The following KDM4C variants were observed in gnomAD, a reference collection of about 807,000 sequenced individuals.
The protein encoded by KDM4C is lysine demethylase 4C, also known as lysine-specific demethylase 4C.
Under a neutral mutation model 129.3 loss-of-function variants are expected in KDM4C, and 81 were observed. The observed-to-expected ratio is 0.63, with a 90% CI of 0.52 to 0.75. KDM4C has a LOEUF of 0.75. Among genes scored for constraint, KDM4C ranks in the 30% least tolerant of loss-of-function variants. KDM4C has a pLI of 0.00. For missense variants in KDM4C, 1,457 were observed against 1,304.0 expected (o/e 1.12, Z -1.81); for synonymous variants, 573 against 456.1 (o/e 1.26, Z -3.26).
chr9:6,911,974 G>A (rs1015001974), intron 8 of KDM4C, among the ~76,000 whole-genome samples: 2 of 152,180 alleles, frequency 1.3e-5, no homozygotes, highest in African/African-American at 2.4e-5. Context: ...GGGGCAGTTT[G>A]TGAGGTTTGT....
chr9:6,774,735 A>G (rs1376096756), intron 1 of KDM4C, among the ~76,000 whole-genome samples: 1 of 152,156 alleles, frequency 6.6e-6, no homozygotes, highest in Non-Finnish European at 1.5e-5. Context: ...TGATTGTTTC[A>G]TCTTAAAAAA....
chr9:6,761,856 G>A (rs908816649), intron 1 of KDM4C, among the ~76,000 whole-genome samples: 3 of 152,018 alleles, frequency 2.0e-5, no homozygotes, highest in African/African-American at 7.2e-5. Flanking sequence ...CTGTCGCCCA[G>A]GCTGGAGTGC....
At chr9:6,987,995 A>C (rs988340790) in intron 11 of KDM4C, among the ~76,000 whole-genome samples, 3 of 145,236 alleles carry the variant, frequency 2.1e-5, no homozygotes, top group African/African-American at 7.7e-5. Context: ...CTGTGTCTAC[A>C]AAAAAAAAAT....
At chr9:7,071,761 A>T (rs1458268405) in intron 17 of KDM4C, among the ~76,000 whole-genome samples, 5 of 152,158 alleles carry the variant, frequency 3.3e-5, no homozygotes, top group Non-Finnish European at 7.4e-5. Flanking sequence ...CATTAAAACA[A>T]TTGAAAAATT....
chr9:7,116,412 T>C (rs1210026662), intron 18 of KDM4C, among the ~76,000 whole-genome samples: 1 of 69,894 alleles, frequency 1.4e-5, no homozygotes, highest in South Asian at 4.8e-4. Context: ...GTAACTTTAA[T>C]TGAGGTTATA....
At chr9:6,927,664 G>A (rs1331378378) in intron 8 of KDM4C, among the ~76,000 whole-genome samples, 2 of 152,100 alleles carry the variant, frequency 1.3e-5, no homozygotes, top group Non-Finnish European at 2.9e-5. Context: ...TCTGCTCTTG[G>A]GAGAAATCAC....
chr9:6,857,222 C>T (rs1011545000), intron 5 of KDM4C, among the ~76,000 whole-genome samples: 1 of 152,112 alleles, frequency 6.6e-6, no homozygotes, highest in African/African-American at 2.4e-5. Flanking sequence ...TGCTCAAGCC[C>T]AGGGGTTCGA....
intron 9 of KDM4C, among the ~76,000 whole-genome samples, chr9:6,983,708 T>G (rs532156890): frequency 3.3e-5 from 5 of 152,222 alleles, no homozygotes; most frequent in African/African-American, 1.2e-4. Context: ...TATACAAAAC[T>G]CAATGAAAAG....
At chr9:6,748,188 CA>C (rs1563925763) in intron 1 of KDM4C, among the ~76,000 whole-genome samples, 1 of 147,770 alleles carries the variant, frequency 6.8e-6, no homozygotes, top group Non-Finnish European at 1.5e-5. Flanking sequence ...AACAAACAAA[CA>C]AAAAACAACA....
chr9:6,980,399 G>A (rs1816562769), intron 8 of KDM4C, among the ~76,000 whole-genome samples: 1 of 152,182 alleles, frequency 6.6e-6, no homozygotes, highest in African/African-American at 2.4e-5. Flanking sequence ...GTGATGTGAT[G>A]TAGAAAAGGC....
Position 7,103,746 on chromosome 9 carries a change from A to G in KDM4C, c.2486A>G (p.Tyr829Cys). 1.9e-6 allele frequency: 3 copies of G among 1,614,016 alleles called. No individual in the cohort carries two copies. The South Asian group carries it at 3.3e-5, about 18-fold the overall frequency. ...TCTGGAGCCTGCATCCAGTGTTCCT[A>G]CGGTCGCTGCCCGGCCTCCTTCCAT... ...RVSGACIQCS[Y>C]GRCPASFHVT... The change falls in exon 18 of 22, where the codon TAC becomes TGC. Residue 829 changes from tyrosine to cysteine, a missense_variant. Tyr to Cys is a radical substitution (Grantham distance 194). Coordinates refer to ENST00000381309, the MANE Select transcript of KDM4C (RefSeq NM_015061.6).
At chr9:6,836,337 A>C (rs1835868403) in intron 4 of KDM4C, among the ~76,000 whole-genome samples, 1 of 152,104 alleles carries the variant, frequency 6.6e-6, no homozygotes, top group Admixed American at 6.6e-5. Context: ...ATGCCATTGC[A>C]CTCCAGCCTG....
chr9:6,972,190 C>T (rs1832100547), intron 8 of KDM4C, among the ~76,000 whole-genome samples: 1 of 151,758 alleles, frequency 6.6e-6, no homozygotes, highest in Admixed American at 6.6e-5. Context: ...TGATCTCTTA[C>T]TCACTCCATC....
At chr9:6,927,332 G>A (rs1822815992) in intron 8 of KDM4C, among the ~76,000 whole-genome samples, 1 of 152,152 alleles carries the variant, frequency 6.6e-6, no homozygotes, top group African/African-American at 2.4e-5. Context: ...GTTTTGCCGT[G>A]TTGGCCAGGC....
chr9:7,013,637 T>TA (rs919371902), intron 13 of KDM4C, 151 bp from the exon 14 acceptor site: 67 of 666,912 alleles, frequency 1.0e-4, no homozygotes, highest in Admixed American at 2.1e-4. Context: ...AATATTGATT[T>TA]AAAAAAAACT....
At chr9:7,102,839 C>A (rs909006455) in intron 17 of KDM4C, among the ~76,000 whole-genome samples, 6 of 152,160 alleles carry the variant, frequency 3.9e-5, no homozygotes, top group Admixed American at 3.9e-4. Flanking sequence ...CCAGACCTAA[C>A]CCTATGTTTT....
intron 1 of KDM4C, among the ~76,000 whole-genome samples, chr9:6,748,341 C>G (rs61399621): frequency 1.3e-5 from 2 of 151,908 alleles, no homozygotes; most frequent in Non-Finnish European, 2.9e-5. Flanking sequence ...AACCCTGTCT[C>G]TACTAAAAAT....
intron 17 of KDM4C, among the ~76,000 whole-genome samples, chr9:7,064,515 C>T (rs1229229157): frequency 6.6e-6 from 1 of 152,130 alleles, no homozygotes; most frequent in Non-Finnish European, 1.5e-5. Flanking sequence ...CAGGGTTGGT[C>T]AGGCTTGGTG....
intron 8 of KDM4C, among the ~76,000 whole-genome samples, chr9:6,962,674 C>G (rs1830227370): frequency 6.6e-6 from 1 of 152,068 alleles, no homozygotes; most frequent in Non-Finnish European, 1.5e-5. Flanking sequence ...AAGACATCAG[C>G]TGTAATGACT....
Sources: gnomAD v4.1 joint callset for allele counts (sites outside exome capture counted in the v4.1 genomes callset) on GRCh38, gnomAD v4.1.1 for gene constraint, MANE v1.5 for transcripts, NCBI Gene and HGNC (gene_info 2026-07-23, HGNC 2026-07-21) for gene names.